Variants in CFDP1 observed in about 807,000 individuals in gnomAD.
CFDP1 encodes heterochromatin-stabilizing protein CFDP1.
A neutral mutation model predicts 40.1 loss-of-function variants in CFDP1; 31 were observed. That is an observed-to-expected ratio of 0.77 (90% confidence interval 0.58 to 1.04). CFDP1 has a LOEUF of 1.04. Among genes scored for constraint, CFDP1 ranks in the 50% least tolerant of loss-of-function variants. The pLI, the probability that CFDP1 is intolerant of heterozygous loss-of-function variation, is 0.00. For missense variants in CFDP1, 423 were observed against 343.4 expected, an observed-to-expected ratio of 1.23 and a Z score of -1.83; for synonymous variants, 167 against 120.0, an observed-to-expected ratio of 1.39 and a Z score of -2.56.
intron 5 of CFDP1, among the ~76,000 whole-genome samples, chr16:75,318,100 C>G (rs925690607): frequency 2.0e-5 from 3 of 151,992 alleles, no homozygotes; most frequent in Admixed American, 2.0e-4. Flanking sequence ...CAGCGCGCCA[C>G]TGCACTCCAG....
chr16:75,380,687 G>A (rs1404829697), intron 5 of CFDP1, among the ~76,000 whole-genome samples: 1 of 152,118 alleles, frequency 6.6e-6, no homozygotes, highest in East Asian at 1.9e-4. Flanking sequence ...AACCCACATA[G>A]ATTTGGGCTT....
At chr16:75,414,556 A>C (rs751407629) in intron 2 of CFDP1, 22 bp downstream of exon 2, 1 of 1,430,894 alleles carries the variant, frequency 7.0e-7, no homozygotes, top group South Asian at 1.1e-5. Flanking sequence ...CTAACTTCTA[A>C]GGGCCTTGAA....
chr16:75,334,732 A>T (rs1169529965), intron 5 of CFDP1, among the ~76,000 whole-genome samples: 2 of 152,166 alleles, frequency 1.3e-5, no homozygotes, highest in African/African-American at 4.8e-5. Context: ...ACGCAGGCGG[A>T]TAACTGGAGG....
chr16:75,298,794 C>T (rs1176830003), intron 6 of CFDP1, among the ~76,000 whole-genome samples: 1 of 152,118 alleles, frequency 6.6e-6, no homozygotes, highest in African/African-American at 2.4e-5. Context: ...GCCTTCTTCC[C>T]CTATCACCTC....
rs146896595 is a variant in CFDP1 at position 75,305,347 on chromosome 16, T to A, written c.651-165A>T. 5,131 of 642,780 alleles carry A rather than the reference T, an allele frequency of 8.0e-3. 47 individuals carry two copies. The highest frequency in any genetic ancestry group is 0.014 in the South Asian group (697 of 48,896). The allele number at this position is 642,780 out of a possible 1,614,324, so 39.8% of individuals were successfully genotyped here. On this transcript the variant is annotated intron_variant, in intron 5 of 6. Coordinates refer to ENST00000283882, the MANE Select transcript of CFDP1 (RefSeq NM_006324.3). Reference sequence around the variant, plus strand: ...TTCCTGGTGTGGAGAGCACTGTAAGTAAACTGGAATTCTAATGTGCTTTTC... The same window carrying A: ...TTCCTGGTGTGGAGAGCACTGTAAGAAAACTGGAATTCTAATGTGCTTTTC...
intron 5 of CFDP1, among the ~76,000 whole-genome samples, chr16:75,338,487 G>C (rs1303113467): frequency 6.6e-6 from 1 of 152,166 alleles, no homozygotes; most frequent in Non-Finnish European, 1.5e-5. Flanking sequence ...TGATCTGGAG[G>C]ACTGGATTTC....
intron 5 of CFDP1, among the ~76,000 whole-genome samples, chr16:75,384,314 T>C (rs935576227): frequency 5.9e-5 from 9 of 151,970 alleles, no homozygotes; most frequent in East Asian, 1.9e-4. Flanking sequence ...CCGAGCGAGA[T>C]AGCACCACTG....
chr16:75,380,335 T>C (rs2078842301), intron 5 of CFDP1, among the ~76,000 whole-genome samples: 1 of 151,994 alleles, frequency 6.6e-6, no homozygotes, highest in Non-Finnish European at 1.5e-5. Flanking sequence ...CTCCGGGTAT[T>C]TGGATCAAAG....
At chr16:75,368,451 A>G (rs1194738670) in intron 5 of CFDP1, among the ~76,000 whole-genome samples, 4 of 152,226 alleles carry the variant, frequency 2.6e-5, no homozygotes, top group African/African-American at 9.6e-5. Context: ...GGTTACATGC[A>G]CATGGAGAGA....
intron 5 of CFDP1, among the ~76,000 whole-genome samples, chr16:75,378,890 A>G (rs1184497199): frequency 6.6e-6 from 1 of 152,188 alleles, no homozygotes; most frequent in African/African-American, 2.4e-5. Flanking sequence ...TTGAAATCAC[A>G]AAGAATGTGT....
intron 5 of CFDP1, among the ~76,000 whole-genome samples, chr16:75,390,545 G>T (rs564076109): frequency 1.3e-5 from 2 of 152,082 alleles, no homozygotes; most frequent in African/African-American, 2.4e-5. Context: ...TGCTGTATTC[G>T]GAGTTGAGCA....
At position 75,370,558 on chromosome 16, in the gene CFDP1, A is replaced by AAAT. The variant is rs545900601; in HGVS notation, c.650+24529_650+24531dup. On this transcript the variant is annotated intron_variant, in intron 5 of 6. Coordinates refer to ENST00000283882, the MANE Select transcript of CFDP1 (RefSeq NM_006324.3). Reference sequence around the variant, plus strand: ...GTACCCTAGAACTTAAAGTATAATAAAATAATAATAATAATAATGTGTGGC... The same window carrying AAAT: ...GTACCCTAGAACTTAAAGTATAATAAAATAATAATAATAATAATAATGTGTGGC... Among the ~76,000 whole-genome samples the AAAT allele has an allele frequency of 6.5e-3, 991 of 152,102 alleles. 8 individuals are homozygous for AAAT. Among genetic ancestry groups the AAAT allele is most frequent in the Middle Eastern group, 0.017 (5 of 294 alleles).
At chr16:75,314,980 G>C (rs1017280364) in intron 5 of CFDP1, among the ~76,000 whole-genome samples, 13 of 152,136 alleles carry the variant, frequency 8.5e-5, no homozygotes, top group African/African-American at 3.1e-4. Context: ...TTGATCTCCT[G>C]ACCTCAAGTG....
chr16:75,407,654 CAAAAAA>C (rs11456525), intron 4 of CFDP1, among the ~76,000 whole-genome samples: 1 of 116,790 alleles, frequency 8.6e-6, no homozygotes, highest in Non-Finnish European at 1.7e-5. Context: ...GACCCTGTCT[CAAAAAA>C]AAAAAAAAAA....
intron 4 of CFDP1, among the ~76,000 whole-genome samples, chr16:75,406,192 T>C (rs116224201): frequency 0.013 from 1,909 of 151,024 alleles, 34 homozygotes; most frequent in African/African-American, 0.044. Flanking sequence ...CTAAGCAACA[T>C]AGGGAGACCT....
intron 1 of CFDP1, among the ~76,000 whole-genome samples, chr16:75,428,197 C>T (rs890368615): frequency 3.3e-5 from 5 of 150,524 alleles, no homozygotes; most frequent in Non-Finnish European, 5.9e-5. Context: ...TTACACAACG[C>T]TAGGCATTTA....
chr16:75,334,562 CTT>C (rs1212367766), intron 5 of CFDP1, among the ~76,000 whole-genome samples: 2 of 151,580 alleles, frequency 1.3e-5, no homozygotes. Context: ...AGAAGGGTGA[CTT>C]AGGCATAAGT....
At chr16:75,391,458 T>A (rs985161807) in intron 5 of CFDP1, 1 of 152,244 alleles carries the variant, frequency 6.6e-6, no homozygotes, top group African/African-American at 2.4e-5. Flanking sequence ...CAGGTTGCAG[T>A]TGATTGTGAA....
intron 4 of CFDP1, among the ~76,000 whole-genome samples, chr16:75,411,491 C>A (rs2079162257): frequency 6.6e-6 from 1 of 152,126 alleles, no homozygotes; most frequent in African/African-American, 2.4e-5. Context: ...TTCAATGGGG[C>A]TCATATTGCA....
Sources: gnomAD v4.1 joint callset for allele counts (sites outside exome capture counted in the v4.1 genomes callset) on GRCh38, gnomAD v4.1.1 for gene constraint, MANE v1.5 for transcripts, NCBI Gene and HGNC (gene_info 2026-07-23, HGNC 2026-07-21) for gene names.